NCAPD3: variants seen among roughly 807,000 people sequenced by gnomAD.
NCAPD3 encodes non-SMC condensin II complex subunit D3.
A neutral mutation model predicts 182.9 loss-of-function variants in NCAPD3; 105 were observed. The observed-to-expected ratio is 0.57, with a 90% CI of 0.49 to 0.68. The LOEUF is 0.68. Among genes scored for constraint, NCAPD3 ranks in the 30% least tolerant of loss-of-function variants. The probability of loss-of-function intolerance (pLI) is 0.00; values close to 1 mark genes in which losing one functional copy is unlikely to be tolerated. For missense variants in NCAPD3, 1,944 were observed against 1,837.0 expected, an observed-to-expected ratio of 1.06 and a Z score of -1.07; for synonymous variants, 815 against 679.9, an observed-to-expected ratio of 1.20 and a Z score of -3.09.
At chr11:134,211,013 A>C (rs1010626844) in intron 3 of NCAPD3, among the ~76,000 whole-genome samples, 1 of 152,250 alleles carries the variant, frequency 6.6e-6, no homozygotes, top group African/African-American at 2.4e-5. Flanking sequence ...GCACAGGGTA[A>C]AATTCTAAGA....
At chr11:134,186,691 C>T (rs561743544) in intron 16 of NCAPD3, among the ~76,000 whole-genome samples, 170 of 152,250 alleles carry the variant, frequency 1.1e-3, no homozygotes, top group African/African-American at 3.9e-3. Flanking sequence ...TACCCACACG[C>T]GAACATCAGG....
intron 7 of NCAPD3, among the ~76,000 whole-genome samples, chr11:134,208,006 T>C (rs1378428704): frequency 6.6e-6 from 1 of 152,114 alleles, no homozygotes; most frequent in Non-Finnish European, 1.5e-5. Flanking sequence ...GACAAATCGA[T>C]AAAGAAGGTA....
intron 28 of NCAPD3, among the ~76,000 whole-genome samples, chr11:134,161,291 G>T (rs1466220566): frequency 1.3e-5 from 2 of 152,150 alleles, no homozygotes; most frequent in Non-Finnish European, 2.9e-5. Context: ...GGTTTGCTCC[G>T]ACTGAGCTCC....
intron 24 of NCAPD3, among the ~76,000 whole-genome samples, chr11:134,174,318 G>C (rs906734771): frequency 6.8e-6 from 1 of 147,634 alleles, no homozygotes; most frequent in South Asian, 2.1e-4. Context: ...AGGAGGTCGA[G>C]GCTGCAGGGA....
At chr11:134,189,486 A>C (rs1263488318) in intron 16 of NCAPD3, among the ~76,000 whole-genome samples, 3 of 152,232 alleles carry the variant, frequency 2.0e-5, no homozygotes, top group Admixed American at 2.0e-4. Context: ...TTCAGTTCCA[A>C]AAATCTTCCA....
At chr11:134,207,899 G>C (rs976636209) in intron 7 of NCAPD3, among the ~76,000 whole-genome samples, 3 of 152,128 alleles carry the variant, frequency 2.0e-5, no homozygotes, top group Non-Finnish European at 4.4e-5. Context: ...CAAGCACACA[G>C]AAGTGATAAA....
Position 134,206,722 on chromosome 11 carries a change from C to T in NCAPD3, c.893G>A (p.Cys298Tyr). Residue 298 changes from cysteine to tyrosine, a missense_variant, in exon 8 of 35, where the codon TGT (cysteine) becomes TAT (tyrosine). Around this residue, in one of 3 missense-constraint regions of NCAPD3, gnomAD observed 1,803 missense variants for 1,674.6 expected, o/e 1.08. Transcript: ENST00000534548. ...TACACTGAGCATTTGATGGAAAACA[C>T]AACTGATGACCTAGAAGAGAAAAGA... ...IHGEGDKVIS[C>Y]VFHQMLSVIL... 6.2e-7 allele frequency: 1 copy of T among 1,608,222 alleles called. No individual in the cohort carries two copies. The highest frequency in any genetic ancestry group is 8.5e-7 in the Non-Finnish European group (1 of 1,177,954).
chr11:134,204,248 G>T lies in NCAPD3; in HGVS notation c.1090-77C>A. 1.3e-6 allele frequency: 2 copies of T among 1,508,864 alleles called. No individual in the cohort carries two copies. The highest frequency in any genetic ancestry group is 9.0e-7 in the Non-Finnish European group (1 of 1,108,860). 93.5% of individuals were successfully genotyped at this position (1,508,864 alleles called of 1,614,324 possible). ...TGAAACATATTCTGTAATATAAGTT[G>T]AAAGTCAGTGAGTACAACTAGTTCA... On this transcript the variant is annotated intron_variant, in intron 9 of 34. Transcript: ENST00000534548. This position sits in a 1 kb window ranked among gnomAD's most constrained non-coding sequence, Gnocchi z 4.3.
intron 27 of NCAPD3, among the ~76,000 whole-genome samples, chr11:134,165,615 A>C (rs936877330): frequency 1.4e-5 from 2 of 141,586 alleles, no homozygotes; most frequent in Admixed American, 1.4e-4. Flanking sequence ...GGGGAGGCGC[A>C]CACTCGTGAG....
chr11:134,160,082 A>G lies in NCAPD3; in HGVS notation c.3685-8T>C, dbSNP rs761277506. Reference sequence around the variant, plus strand: ...GTAATCCTGCATCACCTCCTGAAACAGAGCCAGGAGCATCCTTTCATGTTT... The same window carrying G: ...GTAATCCTGCATCACCTCCTGAAACGGAGCCAGGAGCATCCTTTCATGTTT... On this transcript the variant is annotated splice_region_variant and splice_polypyrimidine_tract_variant and intron_variant, in intron 28 of 34. Transcript: ENST00000534548. 1.6e-5 allele frequency: 26 copies of G among 1,612,324 alleles called. No individual in the cohort carries two copies. The East Asian group carries it at 5.8e-4, about 36-fold the overall frequency.
At chr11:134,197,661 A>G (rs1944664639) in intron 13 of NCAPD3, among the ~76,000 whole-genome samples, 1 of 152,256 alleles carries the variant, frequency 6.6e-6, no homozygotes, top group African/African-American at 2.4e-5. Context: ...TTCTCAACAA[A>G]ATACCAGCAA....
chr11:134,185,604 G>C, intron 16 of NCAPD3, 78 bp from the exon 17 acceptor site: 1 of 1,220,328 alleles, frequency 8.2e-7, no homozygotes, highest in Non-Finnish European at 1.1e-6. Context: ...CTCACTGAAA[G>C]GGTATCAACT....
chr11:134,165,570 G>A (rs1422843327), intron 27 of NCAPD3, among the ~76,000 whole-genome samples: 1 of 148,974 alleles, frequency 6.7e-6, no homozygotes, highest in Non-Finnish European at 1.5e-5. Context: ...TGTGAGATGA[G>A]CTTGGGGGAG....
At chr11:134,186,389 T>C (rs1468986575) in intron 16 of NCAPD3, among the ~76,000 whole-genome samples, 1 of 152,122 alleles carries the variant, frequency 6.6e-6, no homozygotes, top group Non-Finnish European at 1.5e-5. Context: ...TCTTTGTCTG[T>C]CTTTCTTGAG....
chr11:134,180,443 T>C (rs1944270966), intron 20 of NCAPD3, among the ~76,000 whole-genome samples: 1 of 147,850 alleles, frequency 6.8e-6, no homozygotes, highest in African/African-American at 2.5e-5. Flanking sequence ...AGTCAGATGT[T>C]GGAACCAGAA....
intron 24 of NCAPD3, among the ~76,000 whole-genome samples, chr11:134,175,988 G>A (rs1044279712): frequency 6.7e-6 from 1 of 149,730 alleles, no homozygotes; most frequent in Non-Finnish European, 1.5e-5. Flanking sequence ...AGTTTCTAGT[G>A]GCTGCTACTC....
chr11:134,211,974 A>G (rs569287496), intron 3 of NCAPD3, among the ~76,000 whole-genome samples: 37 of 152,348 alleles, frequency 2.4e-4, no homozygotes, highest in African/African-American at 7.2e-4. Context: ...TGTTGAAACT[A>G]TAAGTCCACA....
intron 1 of NCAPD3, chr11:134,223,339 A>G (rs1938310515): frequency 1.5e-6 from 1 of 683,912 alleles, no homozygotes; most frequent in African/African-American, 1.8e-5. Context: ...GAGGCAGGAC[A>G]GTGGTAGTGG....
At chr11:134,167,584 TG>T (rs1239222546) in intron 27 of NCAPD3, among the ~76,000 whole-genome samples, 2 of 92,534 alleles carry the variant, frequency 2.2e-5, no homozygotes, top group Non-Finnish European at 4.0e-5. Flanking sequence ...GAGATGAGCT[TG>T]GGGGAGGGGC....
Sources: allele counts gnomAD v4.1 joint callset (sites outside exome capture counted in the v4.1 genomes callset), GRCh38; gene constraint gnomAD v4.1.1; regional missense constraint gnomAD v4.1.1; non-coding constraint Gnocchi (gnomAD v3.1); transcripts MANE v1.5; gene names NCBI Gene and HGNC (gene_info 2026-07-23, HGNC 2026-07-21).